NAA15: variants seen among roughly 807,000 people sequenced by gnomAD.
NAA15 encodes N-terminal acetyltransferase.
In NAA15, 34 loss-of-function variants were observed where a neutral mutation model predicts 114.0. That is an observed-to-expected ratio of 0.30 (90% confidence interval 0.23 to 0.40). The LOEUF (loss-of-function observed/expected upper bound fraction) is 0.40. NAA15 is among the 10% of genes least tolerant of loss of function. NAA15 has a pLI of 1.00. For synonymous variants in NAA15, 340 were observed against 338.0 expected, an observed-to-expected ratio of 1.01 and a Z score of -0.06; for missense variants, 658 against 1,004.5, an observed-to-expected ratio of 0.66 and a Z score of 4.66.
intron 1 of NAA15, among the ~76,000 whole-genome samples, chr4:139,316,973 CTG>C (rs1337224303): frequency 1.3e-5 from 2 of 151,402 alleles, no homozygotes; most frequent in Non-Finnish European, 2.9e-5. Flanking sequence ...CTTGCTAAAA[CTG>C]TTGCCTTTGA....
rs544174314 is a variant in NAA15, at chr4:139,372,451, T to C, written c.1947+2047T>C. ...GGCTACAAACGGTGCTTCTGACTGCTTTGTTTGGAAGAAGCTTAGTGCAAG... is the reference window on the plus strand; with the variant it reads ...GGCTACAAACGGTGCTTCTGACTGCCTTGTTTGGAAGAAGCTTAGTGCAAG... On this transcript the variant is annotated intron_variant, in intron 15 of 19. Coordinates refer to ENST00000296543, the MANE Select transcript of NAA15 (RefSeq NM_057175.5). Among the ~76,000 whole-genome samples the C allele has an allele frequency of 2.0e-5, 3 of 152,322 alleles. 1 individual carries two copies. The South Asian group carries it at 6.2e-4, about 32-fold the overall frequency.
At chr4:139,363,493 C>A (rs541503029) in intron 14 of NAA15, among the ~76,000 whole-genome samples, 2 of 152,146 alleles carry the variant, frequency 1.3e-5, no homozygotes, top group Non-Finnish European at 2.9e-5. Flanking sequence ...GGGTTTATAT[C>A]ATACTCAGTG....
chr4:139,352,262 C>T (rs530660528), intron 9 of NAA15, among the ~76,000 whole-genome samples: 1 of 152,146 alleles, frequency 6.6e-6, no homozygotes, highest in Non-Finnish European at 1.5e-5. Flanking sequence ...GCGCGTACTA[C>T]CATGCCTGGC....
chr4:139,383,504 T>A (rs750141903), intron 17 of NAA15, among the ~76,000 whole-genome samples: 11 of 152,238 alleles, frequency 7.2e-5, no homozygotes, highest in African/African-American at 2.2e-4. Flanking sequence ...AGAGTCTCAC[T>A]GTGTCACCCA....
At chr4:139,327,137 A>G (rs868207275) in intron 1 of NAA15, among the ~76,000 whole-genome samples, 3 of 152,102 alleles carry the variant, frequency 2.0e-5, no homozygotes, top group Non-Finnish European at 4.4e-5. Context: ...AGGTCTCACT[A>G]TGTTATGCAG....
At chr4:139,339,239 A>G (rs901380010) in intron 3 of NAA15, among the ~76,000 whole-genome samples, 3 of 152,218 alleles carry the variant, frequency 2.0e-5, no homozygotes, top group African/African-American at 7.2e-5. Context: ...ACTCATGCCC[A>G]TAATCCCAGC....
intron 14 of NAA15, among the ~76,000 whole-genome samples, chr4:139,366,008 T>G (rs1395233357): frequency 6.9e-6 from 1 of 144,158 alleles, no homozygotes; most frequent in Non-Finnish European, 1.5e-5. Flanking sequence ...AATTTTTTGG[T>G]CTCTATTAGA....
At chr4:139,319,570 G>C (rs1333908846) in intron 1 of NAA15, among the ~76,000 whole-genome samples, 3 of 151,934 alleles carry the variant, frequency 2.0e-5, no homozygotes, top group Non-Finnish European at 4.4e-5. Flanking sequence ...TGGGCGGCTG[G>C]GATTACAGGT....
At chr4:139,355,332 C>G (rs914494662) in intron 10 of NAA15, among the ~76,000 whole-genome samples, 1 of 151,718 alleles carries the variant, frequency 6.6e-6, no homozygotes, top group Non-Finnish European at 1.5e-5. Flanking sequence ...TGATGTGTCT[C>G]TTAAACTCTT....
rs367643654 is a variant in NAA15, at chr4:139,349,493, A to G, written c.723A>G (p.Glu241=). Residue 241 remains glutamate, a synonymous_variant, in exon 7 of 20, where the codon GAA becomes GAG. Coordinates refer to ENST00000296543, the MANE Select transcript of NAA15 (RefSeq NM_057175.5). ...GELLLQLCRL[E]DAADVYRGLQ... is the part of the protein sequence containing the mutation. ...TTCTGTTGCAACTATGTCGTTTGGAAGATGCTGCAGATGTTTATAGAGGAT... is the reference window on the plus strand; with the variant it reads ...TTCTGTTGCAACTATGTCGTTTGGAGGATGCTGCAGATGTTTATAGAGGAT... 4 of 1,606,710 alleles carry G rather than the reference A, an allele frequency of 2.5e-6. No homozygotes were observed. In the African/African-American group the frequency reaches 5.4e-5, roughly 22 times the overall value.
chr4:139,306,227 A>G (rs1440028585), intron 1 of NAA15, among the ~76,000 whole-genome samples: 2 of 152,134 alleles, frequency 1.3e-5, no homozygotes, highest in Non-Finnish European at 2.9e-5. Context: ...GACATATACT[A>G]TGTAAGAGTT....
chr4:139,323,996 A>G (rs911787364), intron 1 of NAA15, among the ~76,000 whole-genome samples: 1 of 151,690 alleles, frequency 6.6e-6, no homozygotes, highest in African/African-American at 2.4e-5. Flanking sequence ...CAATCCTCCC[A>G]CCTCAGCCTC....
chr4:139,372,805 CA>C (rs1748479916), intron 15 of NAA15, among the ~76,000 whole-genome samples: 1 of 149,470 alleles, frequency 6.7e-6, no homozygotes, highest in African/African-American at 2.5e-5. Context: ...GTCACTAGTT[CA>C]GGATAATATT....
chr4:139,357,619 A>G, intron 11 of NAA15, 64 bp downstream of exon 11: 3 of 1,031,854 alleles, frequency 2.9e-6, no homozygotes, highest in Non-Finnish European at 4.2e-6. Flanking sequence ...TTTTCTCTGT[A>G]TTTTATAGAT....
At chr4:139,351,657 C>A in intron 9 of NAA15, 46 bp downstream of exon 9, 2 of 1,007,838 alleles carry the variant, frequency 2.0e-6, no homozygotes, top group South Asian at 2.6e-5. Flanking sequence ...TTTCTTTGCT[C>A]GGTATTTGGA....
In NAA15 at chr4:139,301,647, C is replaced by A; in HGVS notation, c.-131C>A. ...GTCCGGGTAGGGCAACGCGGCGACA[C>A]CCGAGGCCTGGTGGTGGCGGCGGAT... On this transcript the variant is annotated 5_prime_UTR_variant, in exon 1 of 20. Coordinates refer to ENST00000296543, the MANE Select transcript of NAA15 (RefSeq NM_057175.5). 1 of 1,085,756 alleles carries A rather than the reference C, an allele frequency of 9.2e-7. No individual in the cohort carries two copies. Among genetic ancestry groups the A allele is most frequent in the Non-Finnish European group, 1.3e-6 (1 of 753,116 alleles). 67.3% of individuals were successfully genotyped at this position (1,085,756 alleles called of 1,614,324 possible). A position where few individuals can be genotyped will look rare whatever the true frequency, so the allele number is the denominator to read the frequency against.
At chr4:139,312,178 C>T (rs565589261) in intron 1 of NAA15, among the ~76,000 whole-genome samples, 2 of 152,042 alleles carry the variant, frequency 1.3e-5, no homozygotes, top group African/African-American at 2.4e-5. Context: ...GTTGAGGAGA[C>T]AAACTTAAGA....
chr4:139,351,171 G>C lies in NAA15; in HGVS notation c.812-20G>C. The C allele has an allele frequency of 5.0e-6, 7 of 1,403,058 alleles. No individual in the cohort carries two copies. The highest frequency in any genetic ancestry group is 6.9e-6 in the Non-Finnish European group (7 of 1,021,312). The allele number at this position is 1,403,058 out of a possible 1,614,324, so 86.9% of individuals were successfully genotyped here. ...ACAATTTATGATTATATATAACAAA[G>C]AATTTTTCTTTGTTTGCAGCTAATA... On this transcript the variant is annotated intron_variant, in intron 7 of 19. Coordinates refer to ENST00000296543, the MANE Select transcript of NAA15 (RefSeq NM_057175.5).
chr4:139,366,818 A>T (rs1377164224), intron 14 of NAA15, among the ~76,000 whole-genome samples: 1 of 152,172 alleles, frequency 6.6e-6, no homozygotes, highest in Non-Finnish European at 1.5e-5. Flanking sequence ...TATGTTGCCC[A>T]GGCTGTTCTC....
Sources: gnomAD v4.1 joint callset for allele counts (sites outside exome capture counted in the v4.1 genomes callset) on GRCh38, gnomAD v4.1.1 for gene constraint, MANE v1.5 for transcripts, NCBI Gene and HGNC (gene_info 2026-07-23, HGNC 2026-07-21) for gene names.